The following EPHA6 variants were observed in gnomAD, a reference collection of about 807,000 sequenced individuals.
EPHA6 encodes the protein ephrin type-A receptor 6.
In EPHA6, 50 loss-of-function variants were observed where a neutral mutation model predicts 112.0. The observed-to-expected ratio is 0.45, with a 90% CI of 0.36 to 0.56. The LOEUF (loss-of-function observed/expected upper bound fraction) is 0.56, where lower values mean the gene tolerates loss of function less well. Among genes scored for constraint, EPHA6 ranks in the 20% least tolerant of loss-of-function variants. EPHA6 has a pLI of 0.00. For missense variants in EPHA6, 1,280 were observed against 1,417.4 expected, an observed-to-expected ratio of 0.90 and a Z score of 1.56; for synonymous variants, 529 against 490.7, an observed-to-expected ratio of 1.08 and a Z score of -1.03.
chr3:97,508,662 G>A (rs1577614811), intron 10 of EPHA6, among the ~76,000 whole-genome samples: 1 of 152,168 alleles, frequency 6.6e-6, no homozygotes, highest in Admixed American at 6.5e-5. Context: ...TTCTATAGAT[G>A]TCTATTAGGT....
rs2108163639 is a variant in EPHA6, at chr3:97,072,224, A to G, written c.1114+84231A>G. Among the ~76,000 whole-genome samples the G allele has an allele frequency of 5.9e-5, 9 of 152,262 alleles. 1 individual carries two copies. The South Asian group carries it at 1.9e-3, about 32-fold the overall frequency. ...TCTATCCATAAAAAGGAATGAAATA[A>G]TGGCATTTGAAATCCTCATTTTTAG... On this transcript the variant is annotated intron_variant, in intron 3 of 17. Coordinates refer to ENST00000389672, the MANE Select transcript of EPHA6 (RefSeq NM_001080448.3).
At chr3:97,289,106 TTG>T (rs2080587310) in intron 5 of EPHA6, among the ~76,000 whole-genome samples, 1 of 152,152 alleles carries the variant, frequency 6.6e-6, no homozygotes. Flanking sequence ...AAGTCAATTT[TTG>T]TTTTTGTTGC....
At chr3:97,295,061 T>C (rs1170083477) in intron 5 of EPHA6, among the ~76,000 whole-genome samples, 1 of 152,126 alleles carries the variant, frequency 6.6e-6, no homozygotes, top group African/African-American at 2.4e-5. Context: ...GTAGAAGACT[T>C]TTTTGGGTAA....
intron 5 of EPHA6, among the ~76,000 whole-genome samples, chr3:97,326,175 A>G (rs2108801501): frequency 6.6e-6 from 1 of 152,114 alleles, no homozygotes; most frequent in East Asian, 1.9e-4. Flanking sequence ...CAGATGGCAC[A>G]AAAAATAAAA....
chr3:97,744,829 A>G, intron 16 of EPHA6, among the ~76,000 whole-genome samples: 1 of 152,000 alleles, frequency 6.6e-6, no homozygotes, highest in Admixed American at 6.6e-5. Flanking sequence ...ATGTCGGTGC[A>G]TCGAGAATGG....
At chr3:97,458,229 A>G (rs944371277) in intron 7 of EPHA6, among the ~76,000 whole-genome samples, 2 of 152,062 alleles carry the variant, frequency 1.3e-5, no homozygotes, top group Non-Finnish European at 2.9e-5. Flanking sequence ...GCAGAAACCC[A>G]AGCATGACAT....
intron 3 of EPHA6, among the ~76,000 whole-genome samples, chr3:97,137,494 C>T (rs2075795295): frequency 6.6e-6 from 1 of 152,090 alleles, no homozygotes; most frequent in Non-Finnish European, 1.5e-5. Context: ...AAAACTGAAG[C>T]TGTTTTGAGG....
chr3:97,507,212 T>C (rs146395025), intron 10 of EPHA6, among the ~76,000 whole-genome samples: 1 of 152,018 alleles, frequency 6.6e-6, no homozygotes, highest in Admixed American at 6.6e-5. Flanking sequence ...TGAATAGGAG[T>C]GGTGAGAGAG....
chr3:97,052,909 C>G (rs1387058300), intron 3 of EPHA6, among the ~76,000 whole-genome samples: 3 of 151,988 alleles, frequency 2.0e-5, no homozygotes, highest in African/African-American at 7.2e-5. Flanking sequence ...TACACATTGT[C>G]AACTATGGTG....
intron 2 of EPHA6, among the ~76,000 whole-genome samples, chr3:96,892,956 G>A (rs201941172): frequency 4.2e-5 from 5 of 118,586 alleles, no homozygotes; most frequent in East Asian, 8.0e-4. Context: ...ATATATATAT[G>A]TGTGTGTGTG....
intron 3 of EPHA6, among the ~76,000 whole-genome samples, chr3:97,139,430 A>G (rs920294160): frequency 3.9e-5 from 6 of 152,178 alleles, no homozygotes; most frequent in African/African-American, 1.2e-4. Context: ...TCCTGCTGAC[A>G]GAAGTGCAGG....
At chr3:97,557,106 T>G (rs529238212) in intron 11 of EPHA6, among the ~76,000 whole-genome samples, 133 of 152,164 alleles carry the variant, frequency 8.7e-4, no homozygotes, top group Non-Finnish European at 1.6e-3. Context: ...CATAGAAGTG[T>G]AATTCATGAG....
intron 3 of EPHA6, among the ~76,000 whole-genome samples, chr3:97,172,378 G>T: frequency 6.6e-6 from 1 of 151,882 alleles, no homozygotes; most frequent in East Asian, 1.9e-4. Flanking sequence ...AAGGCCAGCT[G>T]GGAAGCTATT....
intron 3 of EPHA6, among the ~76,000 whole-genome samples, chr3:97,004,216 CT>C (rs1415124819): frequency 1.3e-5 from 2 of 152,150 alleles, no homozygotes; most frequent in Non-Finnish European, 2.9e-5. Flanking sequence ...TGAGGAATCA[CT>C]ATATGTCTTC....
intron 3 of EPHA6, among the ~76,000 whole-genome samples, chr3:97,220,496 G>T (rs932474380): frequency 3.3e-5 from 5 of 152,172 alleles, no homozygotes; most frequent in African/African-American, 1.2e-4. Context: ...AACATGTCTG[G>T]AGAAGCCTCA....
At chr3:97,336,472 C>T (rs1209925613) in intron 5 of EPHA6, among the ~76,000 whole-genome samples, 1 of 152,130 alleles carries the variant, frequency 6.6e-6, no homozygotes, top group Non-Finnish European at 1.5e-5. Context: ...TCATTGATTT[C>T]TGTGAGGGAA....
intron 5 of EPHA6, among the ~76,000 whole-genome samples, chr3:97,329,560 A>C (rs1299360845): frequency 1.3e-5 from 2 of 151,634 alleles, no homozygotes; most frequent in African/African-American, 2.4e-5. Flanking sequence ...CATTTCTCTG[A>C]TGGCCAGTGA....
chr3:96,899,275 T>C (rs79236688), intron 2 of EPHA6, among the ~76,000 whole-genome samples: 2,198 of 152,288 alleles, frequency 0.014, 59 homozygotes, highest in African/African-American at 0.05. Flanking sequence ...CCCCTATGTA[T>C]ATCTGTGTCT....
chr3:97,241,838 T>G (rs1380676575), intron 4 of EPHA6, among the ~76,000 whole-genome samples: 1 of 148,334 alleles, frequency 6.7e-6, no homozygotes, highest in Non-Finnish European at 1.5e-5. Flanking sequence ...TAATTGATAA[T>G]ATTCTTCCTA....
Sources: allele counts gnomAD v4.1 joint callset (sites outside exome capture counted in the v4.1 genomes callset), GRCh38; gene constraint gnomAD v4.1.1; transcripts MANE v1.5; gene names NCBI Gene and HGNC (gene_info 2026-07-23, HGNC 2026-07-21).